PPP6R3: variants seen among roughly 807,000 people sequenced by gnomAD.
PPP6R3 encodes the protein serine/threonine-protein phosphatase 6 regulatory subunit 3.
Under a neutral mutation model 110.7 loss-of-function variants are expected in PPP6R3, and 38 were observed. The observed-to-expected ratio is 0.34, with a 90% CI of 0.26 to 0.45. The LOEUF is 0.45. PPP6R3 is among the 20% of genes least tolerant of loss of function. The pLI is 1.00. For synonymous variants in PPP6R3, 369 were observed against 373.5 expected (o/e 0.99, Z 0.14); for missense variants, 870 against 1,062.4 (o/e 0.82, Z 2.52).
chr11:68,471,823 T>C (rs1264479967), intron 1 of PPP6R3, among the ~76,000 whole-genome samples: 1 of 151,814 alleles, frequency 6.6e-6, no homozygotes, highest in Non-Finnish European at 1.5e-5. Context: ...TGGGTGCCCA[T>C]GTGGAGAGTT....
intron 23 of PPP6R3, among the ~76,000 whole-genome samples, chr11:68,611,148 C>T (rs1381522742): frequency 1.3e-5 from 2 of 152,138 alleles, no homozygotes; most frequent in Non-Finnish European, 2.9e-5. Flanking sequence ...TCTGCTTCTA[C>T]GGATTGGGCA....
intron 23 of PPP6R3, among the ~76,000 whole-genome samples, chr11:68,612,607 CTCCTT>C (rs555695568): frequency 8.0e-4 from 121 of 151,168 alleles, no homozygotes; most frequent in Middle Eastern, 3.4e-3. Context: ...ATTTGCAAAC[CTCCTT>C]TCCTTTCCTT....
In PPP6R3 at chr11:68,576,058, G is replaced by A. The variant is rs746687977; in HGVS notation, c.1545+15G>A. The stretch of plus-strand genomic sequence containing the variant: ...CGGTAGATCTAGTAGGTTTTACAAG[G>A]TTACATTTTTATTCTTTCAGTGCTC... On this transcript the variant is annotated intron_variant, in intron 14 of 23. Transcript: ENST00000393800. 3 of 1,558,714 alleles carry A rather than the reference G, an allele frequency of 1.9e-6. No homozygotes were observed. Among genetic ancestry groups the A allele is most frequent in the East Asian group, 2.3e-5 (1 of 43,982 alleles).
chr11:68,478,139 G>A (rs1248641990), intron 1 of PPP6R3, among the ~76,000 whole-genome samples: 1 of 151,900 alleles, frequency 6.6e-6, no homozygotes, highest in Non-Finnish European at 1.5e-5. Context: ...TAGTAGAGAT[G>A]GGGTTTTACC....
intron 19 of PPP6R3, among the ~76,000 whole-genome samples, chr11:68,597,359 G>C (rs1328971422): frequency 6.6e-6 from 1 of 152,206 alleles, no homozygotes; most frequent in Non-Finnish European, 1.5e-5. Context: ...GCATGGCTCG[G>C]GGATGAGGTG....
chr11:68,481,353 G>T (rs1304315366), intron 1 of PPP6R3, among the ~76,000 whole-genome samples: 1 of 152,168 alleles, frequency 6.6e-6, no homozygotes, highest in Non-Finnish European at 1.5e-5. Context: ...AGGGGATTTG[G>T]TGGCAGCAGG....
intron 10 of PPP6R3, among the ~76,000 whole-genome samples, chr11:68,568,053 G>A (rs530918302): frequency 8.5e-5 from 13 of 152,128 alleles, no homozygotes; most frequent in Admixed American, 2.0e-4. Context: ...AAACCCATAC[G>A]TGCTTTATCA....
intron 1 of PPP6R3, among the ~76,000 whole-genome samples, chr11:68,501,065 CTGT>C (rs1470531649): frequency 2.0e-5 from 3 of 152,168 alleles, no homozygotes; most frequent in Non-Finnish European, 4.4e-5. Context: ...ATGGATTTTG[CTGT>C]TGTTAGTTTT....
chr11:68,573,156 T>TATATATATATATATATATAAA (rs1565936514), intron 12 of PPP6R3, among the ~76,000 whole-genome samples: 1 of 49,544 alleles, frequency 2.0e-5, no homozygotes, highest in Non-Finnish European at 3.9e-5. Flanking sequence ...ATATATATAA[T>TATATATATATATATATATAAA]TTTTTTTTTT....
chr11:68,462,138 C>G (rs1333454106), intron 1 of PPP6R3, among the ~76,000 whole-genome samples: 1 of 152,200 alleles, frequency 6.6e-6, no homozygotes, highest in Admixed American at 6.5e-5. Context: ...CTGGCACATA[C>G]AGTCACCTCA....
chr11:68,563,444 G>A (rs897498372), intron 8 of PPP6R3, among the ~76,000 whole-genome samples: 1 of 152,076 alleles, frequency 6.6e-6, no homozygotes, highest in East Asian at 1.9e-4. Flanking sequence ...GGCCCCCCTG[G>A]GTAATCTAGG....
chr11:68,496,963 G>T (rs758392809), intron 1 of PPP6R3, among the ~76,000 whole-genome samples: 10 of 142,666 alleles, frequency 7.0e-5, no homozygotes, highest in Non-Finnish European at 1.3e-4. Context: ...CCAGGTTCAC[G>T]CCGTTCTCTT....
intron 15 of PPP6R3, chr11:68,586,650 A>G (rs2099579455): frequency 6.6e-6 from 1 of 152,044 alleles, no homozygotes; most frequent in Non-Finnish European, 1.5e-5. Context: ...TGTCTAGTCA[A>G]ACTAGACATA....
chr11:68,575,139 T>A (rs1360160049), intron 13 of PPP6R3, among the ~76,000 whole-genome samples: 3 of 152,210 alleles, frequency 2.0e-5, no homozygotes, highest in African/African-American at 7.2e-5. Flanking sequence ...ATGTCCTAAC[T>A]AAGAAGAAAT....
At chr11:68,528,338 T>C (rs895938859) in intron 2 of PPP6R3, among the ~76,000 whole-genome samples, 1 of 150,430 alleles carries the variant, frequency 6.6e-6, no homozygotes, top group Non-Finnish European at 1.5e-5. Context: ...GTTGCAGAGA[T>C]ACGATAAAAC....
chr11:68,526,191 A>G (rs1436089736), intron 2 of PPP6R3, among the ~76,000 whole-genome samples: 7 of 151,982 alleles, frequency 4.6e-5, no homozygotes, highest in African/African-American at 1.7e-4. Flanking sequence ...AGAATCTTGG[A>G]TGCTTCAGAT....
At chr11:68,484,784 A>C (rs1444485968) in intron 1 of PPP6R3, among the ~76,000 whole-genome samples, 1 of 151,966 alleles carries the variant, frequency 6.6e-6, no homozygotes. Flanking sequence ...ATGGGGTTTC[A>C]CCATGTTGGT....
At chr11:68,597,601 G>A (rs2099617879) in intron 19 of PPP6R3, among the ~76,000 whole-genome samples, 1 of 152,152 alleles carries the variant, frequency 6.6e-6, no homozygotes, top group Admixed American at 6.5e-5. Flanking sequence ...GCAGGGAGGT[G>A]TGAGGAGGAG....
chr11:68,569,009 C>T (rs2099491278), intron 10 of PPP6R3, among the ~76,000 whole-genome samples: 1 of 152,158 alleles, frequency 6.6e-6, no homozygotes, highest in Non-Finnish European at 1.5e-5. Context: ...ATCCGCCCGC[C>T]TCGGCCTCCC....
Sources: gnomAD v4.1 joint callset for allele counts (sites outside exome capture counted in the v4.1 genomes callset) on GRCh38, gnomAD v4.1.1 for gene constraint, MANE v1.5 for transcripts, NCBI Gene and HGNC (gene_info 2026-07-23, HGNC 2026-07-21) for gene names.